The following CDC14A variants were observed in gnomAD, a reference collection of about 807,000 sequenced individuals.
CDC14A encodes dual specificity protein phosphatase CDC14A.
In CDC14A, 53 loss-of-function variants were observed where a neutral mutation model predicts 74.4. The ratio of observed to expected loss-of-function variants is 0.71; its 90% confidence interval spans 0.57 to 0.89. The LOEUF is 0.89. CDC14A is among the 40% of genes least tolerant of loss of function. The pLI is 0.00. For synonymous variants in CDC14A, 247 were observed against 258.4 expected (o/e 0.96, Z 0.43); for missense variants, 646 against 713.7 (o/e 0.91, Z 1.08).
intron 4 of CDC14A, among the ~76,000 whole-genome samples, chr1:100,412,723 T>A (rs1413377314): frequency 2.4e-5 from 2 of 83,722 alleles, no homozygotes; most frequent in African/African-American, 2.0e-4. Flanking sequence ...TATATATATA[T>A]TTTATATATA....
chr1:100,502,991 C>T (rs1193872672), intron 15 of CDC14A, among the ~76,000 whole-genome samples: 2 of 152,130 alleles, frequency 1.3e-5, no homozygotes, highest in African/African-American at 2.4e-5. Flanking sequence ...CATTTTCCTC[C>T]CTCTCACCCT....
chr1:100,411,627 T>G (rs1466000906), intron 4 of CDC14A, among the ~76,000 whole-genome samples: 1 of 152,164 alleles, frequency 6.6e-6, no homozygotes, highest in African/African-American at 2.4e-5. Context: ...TCCCTTCTAA[T>G]AAAAACTCTT....
At chr1:100,379,005 A>AT (rs1413466064) in intron 3 of CDC14A, among the ~76,000 whole-genome samples, 5 of 152,142 alleles carry the variant, frequency 3.3e-5, no homozygotes, top group Admixed American at 6.5e-5. Flanking sequence ...ATGGAAGTCT[A>AT]TTTTTTTCTT....
chr1:100,388,325 A>G (rs774564855), intron 3 of CDC14A, among the ~76,000 whole-genome samples: 9 of 152,162 alleles, frequency 5.9e-5, no homozygotes, highest in Non-Finnish European at 1.3e-4. Flanking sequence ...CCAACCAACC[A>G]CCCAACAGAC....
In CDC14A at chr1:100,478,463, T is replaced by C. The variant is rs1669141077; in HGVS notation, c.978-5829T>C. On this transcript the variant is annotated intron_variant, in intron 10 of 15. Coordinates refer to ENST00000336454, the MANE Select transcript of CDC14A (RefSeq NM_003672.4). ...GATCTATCTGTGACCTCGGGGATCA[T>C]CATCTGTTAAAGCTTTCATTCATTA... 6.6e-5 allele frequency among the ~76,000 whole-genome samples: 10 copies of C among 152,288 alleles called. No homozygotes were observed. In the South Asian group the frequency reaches 2.1e-3, roughly 32 times the overall value.
intron 1 of CDC14A, among the ~76,000 whole-genome samples, chr1:100,346,016 C>T (rs945394458): frequency 4.6e-5 from 7 of 151,656 alleles, no homozygotes; most frequent in African/African-American, 1.7e-4. Flanking sequence ...ACTAAAAATA[C>T]AAAAATTCAC....
intron 2 of CDC14A, among the ~76,000 whole-genome samples, chr1:100,371,482 G>A (rs1332847646): frequency 6.6e-6 from 1 of 152,142 alleles, no homozygotes; most frequent in Non-Finnish European, 1.5e-5. Flanking sequence ...TTGATGCCCA[G>A]TTTGTTAAGG....
chr1:100,416,402 A>G (rs755533608), intron 4 of CDC14A, among the ~76,000 whole-genome samples: 16 of 152,182 alleles, frequency 1.1e-4, no homozygotes, highest in Non-Finnish European at 1.9e-4. Flanking sequence ...TGATATTTTG[A>G]TAATGGGTTT....
intron 14 of CDC14A, 81 bp downstream of exon 14, chr1:100,498,288 T>C: frequency 6.6e-7 from 1 of 1,507,174 alleles, no homozygotes; most frequent in Non-Finnish European, 9.1e-7. Flanking sequence ...GCTGCAGTTT[T>C]GTCAGAGGAG....
At chr1:100,461,621 G>GC (rs1255596895) in intron 8 of CDC14A, among the ~76,000 whole-genome samples, 1 of 152,216 alleles carries the variant, frequency 6.6e-6, no homozygotes, top group Admixed American at 6.5e-5. Flanking sequence ...AAAGGCCAAA[G>GC]CCCCCAGTGG....
At chr1:100,446,778 G>A (rs1203158311) in intron 7 of CDC14A, among the ~76,000 whole-genome samples, 1 of 152,042 alleles carries the variant, frequency 6.6e-6, no homozygotes, top group East Asian at 1.9e-4. Flanking sequence ...GCTCACTGTA[G>A]CCTTGACCCT....
At chr1:100,470,915 T>A (rs1483320854) in intron 10 of CDC14A, among the ~76,000 whole-genome samples, 1 of 152,146 alleles carries the variant, frequency 6.6e-6, no homozygotes, top group Admixed American at 6.5e-5. Flanking sequence ...ACCCAATGAT[T>A]TCATTTCTAG....
chr1:100,367,489 G>A (rs1570968889), intron 2 of CDC14A, among the ~76,000 whole-genome samples: 2 of 152,194 alleles, frequency 1.3e-5, no homozygotes, highest in East Asian at 3.9e-4. Flanking sequence ...ATTTTTCAAT[G>A]ATCTTGACAT....
chr1:100,373,416 C>A (rs1021351289), intron 2 of CDC14A, among the ~76,000 whole-genome samples: 3 of 152,064 alleles, frequency 2.0e-5, no homozygotes, highest in Non-Finnish European at 2.9e-5. Context: ...ATAACAGATA[C>A]AATAATAATG....
At chr1:100,376,917 G>A (rs554827419) in intron 2 of CDC14A, among the ~76,000 whole-genome samples, 8 of 152,300 alleles carry the variant, frequency 5.3e-5, no homozygotes, top group African/African-American at 1.7e-4. Flanking sequence ...AAGTAGTACA[G>A]GCCATGTACT....
At chr1:100,506,293 T>C (rs1336878050) in intron 15 of CDC14A, among the ~76,000 whole-genome samples, 1 of 152,228 alleles carries the variant, frequency 6.6e-6, no homozygotes. Flanking sequence ...CCTTCCTCTT[T>C]GTTGTGGCAT....
intron 4 of CDC14A, chr1:100,393,880 T>G (rs1571050741): frequency 4.2e-6 from 1 of 239,316 alleles, no homozygotes. Context: ...GAGTGGGAGG[T>G]TGCAGTGAGC....
chr1:100,513,893 T>C (rs979137986), intron 15 of CDC14A, among the ~76,000 whole-genome samples: 3 of 152,188 alleles, frequency 2.0e-5, no homozygotes, highest in African/African-American at 7.2e-5. Flanking sequence ...TGATGGAAGC[T>C]TATATTTTGA....
chr1:100,459,110 C>CAGAGAGAG (rs1382570777), intron 8 of CDC14A, among the ~76,000 whole-genome samples: 3 of 147,430 alleles, frequency 2.0e-5, no homozygotes, highest in African/African-American at 7.9e-5. Flanking sequence ...CGCACACACA[C>CAGAGAGAG]ACACACACAC....
Sources: allele counts gnomAD v4.1 joint callset (sites outside exome capture counted in the v4.1 genomes callset), GRCh38; gene constraint gnomAD v4.1.1; transcripts MANE v1.5; gene names NCBI Gene and HGNC (gene_info 2026-07-23, HGNC 2026-07-21).